The following PPP2R2B variants were observed in gnomAD, a reference collection of about 807,000 sequenced individuals.
PPP2R2B encodes the protein serine/threonine-protein phosphatase 2A 55 kDa regulatory subunit B beta isoform.
In PPP2R2B, 5 loss-of-function variants were observed where a neutral mutation model predicts 46.0. The observed-to-expected ratio is 0.11, with a 90% CI of 0.06 to 0.23. The LOEUF is 0.23. PPP2R2B is among the 10% of genes least tolerant of loss of function. PPP2R2B has a pLI of 1.00. For missense variants in PPP2R2B, 367 were observed against 575.0 expected (o/e 0.64, Z 3.70); for synonymous variants, 215 against 206.7 (o/e 1.04, Z -0.34).
chr5:146,877,619 C>A (rs1284411843), intron 2 of PPP2R2B, among the ~76,000 whole-genome samples: 2 of 152,092 alleles, frequency 1.3e-5, no homozygotes, highest in East Asian at 3.9e-4. Context: ...CATCGTTTCG[C>A]TCAGGGAGGG....
intron 2 of PPP2R2B, among the ~76,000 whole-genome samples, chr5:147,072,363 G>C (rs927679271): frequency 1.8e-4 from 27 of 152,082 alleles, no homozygotes; most frequent in Admixed American, 2.0e-4. Flanking sequence ...CATTATTGTT[G>C]TATTAGTGGT....
intron 2 of PPP2R2B, among the ~76,000 whole-genome samples, chr5:146,808,242 A>G (rs569515606): frequency 1.1e-4 from 17 of 152,288 alleles, no homozygotes. Flanking sequence ...TTTAAATTAA[A>G]AACTCAGTTT....
At chr5:146,933,994 C>T (rs2151824048) in intron 1 of PPP2R2B, among the ~76,000 whole-genome samples, 1 of 152,206 alleles carries the variant, frequency 6.6e-6, no homozygotes, top group African/African-American at 2.4e-5. Flanking sequence ...ATCCATGTCA[C>T]TACAAAGGAC....
chr5:146,681,881 C>T (rs1413048752), intron 5 of PPP2R2B, among the ~76,000 whole-genome samples: 1 of 152,192 alleles, frequency 6.6e-6, no homozygotes, highest in Non-Finnish European at 1.5e-5. Flanking sequence ...AGATAAATGG[C>T]ACCAGAGGCC....
At chr5:146,660,746 C>T (rs1488205764) in intron 5 of PPP2R2B, among the ~76,000 whole-genome samples, 3 of 152,174 alleles carry the variant, frequency 2.0e-5, no homozygotes, top group Non-Finnish European at 4.4e-5. Context: ...AGAAAAACCT[C>T]TTTGAACCAA....
chr5:146,857,487 T>C (rs1760743238), intron 2 of PPP2R2B, among the ~76,000 whole-genome samples: 2 of 152,196 alleles, frequency 1.3e-5, no homozygotes, highest in Non-Finnish European at 2.9e-5. Flanking sequence ...TAATGAGTTT[T>C]AGTTTCCTCA....
chr5:146,848,112 A>G (rs1054515022), intron 2 of PPP2R2B, among the ~76,000 whole-genome samples: 3 of 151,164 alleles, frequency 2.0e-5, no homozygotes, highest in African/African-American at 4.9e-5. Flanking sequence ...GGCTCCCCCT[A>G]CTAGACTGTA....
At chr5:146,697,089 C>T (rs1364539306) in intron 4 of PPP2R2B, among the ~76,000 whole-genome samples, 5 of 152,080 alleles carry the variant, frequency 3.3e-5, no homozygotes, top group Non-Finnish European at 7.3e-5. Flanking sequence ...AAATCCCTTG[C>T]TTCTTGCTTC....
At chr5:146,830,537 T>C (rs1424953172) in intron 2 of PPP2R2B, among the ~76,000 whole-genome samples, 1 of 152,046 alleles carries the variant, frequency 6.6e-6, no homozygotes, top group African/African-American at 2.4e-5. Flanking sequence ...GGCTTTTTTT[T>C]TTTTTGAGAT....
chr5:146,638,615 A>G (rs1173429264), intron 6 of PPP2R2B, among the ~76,000 whole-genome samples, 200 bp from the exon 7 acceptor site: 1 of 152,238 alleles, frequency 6.6e-6, no homozygotes, highest in Non-Finnish European at 1.5e-5. Context: ...CCCAGTAGTC[A>G]GAGGCAGCAT....
intron 1 of PPP2R2B, among the ~76,000 whole-genome samples, chr5:146,896,700 G>A (rs1031875426): frequency 1.5e-4 from 22 of 148,818 alleles, no homozygotes; most frequent in Non-Finnish European, 2.1e-4. Context: ...TTTTTTTTTC[G>A]GTGATTCACT....
intron 9 of PPP2R2B, among the ~76,000 whole-genome samples, chr5:146,592,766 GAA>G (rs1161480585): frequency 6.6e-6 from 1 of 152,184 alleles, no homozygotes; most frequent in Non-Finnish European, 1.5e-5. Flanking sequence ...TGCCAGTTCA[GAA>G]ACAGGATTCA....
At chr5:146,878,985 C>T, upstream of PPP2R2B, 1 of 1,057,412 alleles carries the variant, frequency 9.5e-7, no homozygotes, top group Non-Finnish European at 1.2e-6. The surrounding 1 kb of genome is among the most constrained non-coding windows in gnomAD (Gnocchi z 4.5). Context: ...TCCCCTCTCG[C>T]GCCACTCAGC....
intron 5 of PPP2R2B, among the ~76,000 whole-genome samples, chr5:146,671,531 A>C (rs1777370642): frequency 6.6e-6 from 1 of 152,246 alleles, no homozygotes; most frequent in Non-Finnish European, 1.5e-5. Context: ...ATCATGACAC[A>C]GTAGTGCCTA....
At chr5:146,700,589 A>T (rs7716557) in intron 3 of PPP2R2B, among the ~76,000 whole-genome samples, 37,118 of 151,992 alleles carry the variant, frequency 0.24, 5,890 homozygotes, top group African/African-American at 0.46. Context: ...TTACCCCCTT[A>T]GGTGAGGTAA....
chr5:146,644,575 G>A (rs771363103), intron 6 of PPP2R2B, among the ~76,000 whole-genome samples: 1 of 152,186 alleles, frequency 6.6e-6, no homozygotes, highest in African/African-American at 2.4e-5. Flanking sequence ...GATGGGTAAA[G>A]TTTGAGATAA....
At chr5:146,981,730 C>A (rs1429944595) in intron 1 of PPP2R2B, among the ~76,000 whole-genome samples, 1 of 152,170 alleles carries the variant, frequency 6.6e-6, no homozygotes, top group African/African-American at 2.4e-5. Context: ...CCTTTTACAT[C>A]TACTTTCCTC....
intron 2 of PPP2R2B, chr5:146,707,678 A>C (rs571405986): frequency 3.6e-6 from 2 of 548,466 alleles, no homozygotes; most frequent in African/African-American, 3.8e-5. Context: ...TCTTGGTAGA[A>C]TATATCTTTT....
chr5:146,684,256 T>A (rs1207721704), intron 5 of PPP2R2B, among the ~76,000 whole-genome samples: 1 of 152,214 alleles, frequency 6.6e-6, no homozygotes, highest in African/African-American at 2.4e-5. Context: ...GAAGGCTGTA[T>A]CTATGTCCTA....
Sources: gnomAD v4.1 joint callset for allele counts (sites outside exome capture counted in the v4.1 genomes callset) on GRCh38, gnomAD v4.1.1 for gene constraint, Gnocchi (gnomAD v3.1) non-coding constraint, MANE v1.5 for transcripts, NCBI Gene and HGNC (gene_info 2026-07-23, HGNC 2026-07-21) for gene names.